GBE1: variants seen among roughly 807,000 people sequenced by gnomAD.
GBE1 encodes the protein 1,4-alpha-glucan-branching enzyme.
GBE1 carries 70 observed loss-of-function variants against 88.8 expected under a neutral mutation model. The observed-to-expected ratio is 0.79, with a 90% CI of 0.65 to 0.96. The LOEUF (loss-of-function observed/expected upper bound fraction) is 0.96, where lower values mean the gene tolerates loss of function less well. Among genes scored for constraint, GBE1 ranks in the 40% least tolerant of loss-of-function variants. GBE1 has a pLI of 0.00. For missense variants in GBE1, 872 were observed against 871.0 expected (o/e 1.00, Z -0.01); for synonymous variants, 284 against 300.1 (o/e 0.95, Z 0.56).
intron 14 of GBE1, among the ~76,000 whole-genome samples, chr3:81,533,803 A>C (rs1703039078): frequency 1.3e-5 from 2 of 152,032 alleles, no homozygotes; most frequent in African/African-American, 4.8e-5. Context: ...TGCACAAAAA[A>C]ATCTGTTTGC....
intron 14 of GBE1, among the ~76,000 whole-genome samples, chr3:81,502,709 C>T (rs2106815659): frequency 6.6e-6 from 1 of 152,246 alleles, no homozygotes; most frequent in East Asian, 1.9e-4. Flanking sequence ...TTTACACATT[C>T]TCTCACTTGG....
intron 15 of GBE1, among the ~76,000 whole-genome samples, chr3:81,496,212 C>T (rs1326363927): frequency 6.6e-6 from 1 of 152,194 alleles, no homozygotes; most frequent in Non-Finnish European, 1.5e-5. Flanking sequence ...TGCCCTATCG[C>T]TTTTGGACAT....
At chr3:81,674,513 C>T (rs1037143843) in intron 2 of GBE1, among the ~76,000 whole-genome samples, 4 of 151,732 alleles carry the variant, frequency 2.6e-5, no homozygotes, top group African/African-American at 9.7e-5. Flanking sequence ...AAAATTCAAC[C>T]TCAAATTATT....
At chr3:81,750,601 G>A (rs28479671) in intron 1 of GBE1, among the ~76,000 whole-genome samples, 3,504 of 35,468 alleles carry the variant, frequency 0.099, 529 homozygotes, top group African/African-American at 0.29. Context: ...ATATATATAT[G>A]TGTATATATA....
At chr3:81,732,147 G>T (rs147627903) in intron 1 of GBE1, among the ~76,000 whole-genome samples, 35 of 152,176 alleles carry the variant, frequency 2.3e-4, no homozygotes, top group African/African-American at 7.9e-4. Flanking sequence ...TTAAAATATA[G>T]TTGTTAAATC....
At chr3:81,709,325 T>C (rs2107173657) in intron 1 of GBE1, among the ~76,000 whole-genome samples, 1 of 152,290 alleles carries the variant, frequency 6.6e-6, no homozygotes, top group Middle Eastern at 3.4e-3. Context: ...GTGTGTGTTT[T>C]TTTAACCTCT....
chr3:81,743,628 T>G, intron 1 of GBE1: 1 of 1,534,016 alleles, frequency 6.5e-7, no homozygotes, highest in Middle Eastern at 1.7e-4. Flanking sequence ...CCAAGTGAAA[T>G]TGGAACATCC....
intron 12 of GBE1, among the ~76,000 whole-genome samples, chr3:81,542,157 C>G (rs1703152016): frequency 1.3e-5 from 2 of 151,944 alleles, no homozygotes; most frequent in Non-Finnish European, 2.9e-5. Flanking sequence ...GATAGACTTG[C>G]ATTATATATT....
At chr3:81,695,887 T>C (rs1486677793) in intron 2 of GBE1, among the ~76,000 whole-genome samples, 1 of 152,174 alleles carries the variant, frequency 6.6e-6, no homozygotes, top group Non-Finnish European at 1.5e-5. Context: ...GCCACTGATT[T>C]ACAAGCAAGT....
intron 9 of GBE1, among the ~76,000 whole-genome samples, chr3:81,588,468 T>G (rs376179900): frequency 2.0e-5 from 3 of 152,290 alleles, no homozygotes; most frequent in East Asian, 3.9e-4. Context: ...TATTAAGGCA[T>G]GTTCTGTATC....
chr3:81,555,903 G>A (rs907893189), intron 12 of GBE1, among the ~76,000 whole-genome samples: 6 of 152,042 alleles, frequency 3.9e-5, no homozygotes, highest in African/African-American at 9.7e-5. Flanking sequence ...CTTCTTCAAC[G>A]ACACACAAAC....
intron 7 of GBE1, among the ~76,000 whole-genome samples, chr3:81,636,994 C>CA (rs1704601538): frequency 6.6e-6 from 1 of 152,088 alleles, no homozygotes; most frequent in African/African-American, 2.4e-5. Context: ...CCAAGACTGC[C>CA]AGTGGATGCC....
At chr3:81,699,649 G>A (rs1343479712) in intron 2 of GBE1, among the ~76,000 whole-genome samples, 2 of 152,138 alleles carry the variant, frequency 1.3e-5, no homozygotes, top group Non-Finnish European at 2.9e-5. Flanking sequence ...GAAAGATGTA[G>A]GCTGGGAAAC....
chr3:81,729,754 T>C (rs1306712455), intron 1 of GBE1, among the ~76,000 whole-genome samples: 1 of 152,190 alleles, frequency 6.6e-6, no homozygotes, highest in Non-Finnish European at 1.5e-5. Context: ...TTTGCTTATG[T>C]ACAAAGCTGC....
At chr3:81,551,378 TAAAG>T (rs1703270404) in intron 12 of GBE1, among the ~76,000 whole-genome samples, 2 of 152,008 alleles carry the variant, frequency 1.3e-5, no homozygotes, top group Admixed American at 1.3e-4. Context: ...CTGTAAAAGT[TAAAG>T]AAAGTAGTAG....
At chr3:81,589,512 TAAAAAA>T in intron 9 of GBE1, among the ~76,000 whole-genome samples, 1 of 143,840 alleles carries the variant, frequency 7.0e-6, no homozygotes, top group South Asian at 2.2e-4. Context: ...CATCTTTTTT[TAAAAAA>T]AAAAAAAATC....
chr3:81,626,656 G>C (rs1011480177), intron 7 of GBE1, among the ~76,000 whole-genome samples: 2 of 150,646 alleles, frequency 1.3e-5, no homozygotes, highest in African/African-American at 2.4e-5. Flanking sequence ...TGGCTAGAGC[G>C]TAGTAAGCAA....
At chr3:81,687,019 T>A (rs1431502731) in intron 2 of GBE1, among the ~76,000 whole-genome samples, 1 of 152,192 alleles carries the variant, frequency 6.6e-6, no homozygotes, top group African/African-American at 2.4e-5. Context: ...ATTACAGTAT[T>A]TCCCCAACCT....
chr3:81,581,216 T>C lies in GBE1; in HGVS notation c.1395A>G (p.Thr465=), dbSNP rs544113506. 6.2e-7 allele frequency: 1 copy of C among 1,607,914 alleles called. No individual in the cohort carries two copies. Among genetic ancestry groups the C allele is most frequent in the African/African-American group, 1.3e-5 (1 of 74,520 alleles). Residue 465 remains threonine (T), a synonymous_variant, in exon 11 of 16, where the codon ACA becomes ACG. Transcript: ENST00000429644. The part of the protein sequence containing the change: ...WNMGDIVYTL[T]NRRYLEKCIA... The stretch of plus-strand genomic sequence containing the variant: ...TGCACTTTTCAAGGTAGCGCCTGTT[T>C]GTGAGCGTGTATACTATATCGCCCA...
Sources: allele counts gnomAD v4.1 joint callset (sites outside exome capture counted in the v4.1 genomes callset), GRCh38; gene constraint gnomAD v4.1.1; transcripts MANE v1.5; gene names NCBI Gene and HGNC (gene_info 2026-07-23, HGNC 2026-07-21).